Variants in NALCN observed in about 807,000 individuals in gnomAD.
The protein encoded by NALCN is sodium leak channel NALCN.
A neutral mutation model predicts 225.3 loss-of-function variants in NALCN; 111 were observed. That is an observed-to-expected ratio of 0.49 (90% CI 0.42 to 0.58). The LOEUF is 0.58. Ranked by LOEUF, NALCN falls within the 20% of genes least tolerant of loss-of-function variation. NALCN has a pLI of 0.00. For synonymous variants in NALCN, 764 were observed against 769.0 expected (o/e 0.99, Z 0.11); for missense variants, 1,378 against 2,202.4 (o/e 0.63, Z 7.49).
At chr13:101,265,884 T>C (rs1246808463) in intron 10 of NALCN, among the ~76,000 whole-genome samples, 2 of 152,300 alleles carry the variant, frequency 1.3e-5, no homozygotes, top group African/African-American at 2.4e-5. Flanking sequence ...TGACAGCAGC[T>C]TCCTCACCAA....
intron 11 of NALCN, among the ~76,000 whole-genome samples, chr13:101,257,537 C>A (rs1479183187): frequency 6.6e-6 from 1 of 151,950 alleles, no homozygotes; most frequent in Non-Finnish European, 1.5e-5. Context: ...AATTATATGG[C>A]AAATTGATTT....
chr13:101,322,975 A>G (rs1217016969), intron 7 of NALCN, among the ~76,000 whole-genome samples: 1 of 152,132 alleles, frequency 6.6e-6, no homozygotes, highest in Admixed American at 6.5e-5. Context: ...GGCCTCCCAA[A>G]GTGCTGGGAT....
intron 15 of NALCN, among the ~76,000 whole-genome samples, chr13:101,149,734 G>A (rs2037540974): frequency 6.6e-6 from 1 of 152,206 alleles, no homozygotes; most frequent in Admixed American, 6.5e-5. Context: ...GCGGCTGCTT[G>A]AAGGGTGAGT....
chr13:101,154,394 T>C (rs538258422), intron 15 of NALCN, among the ~76,000 whole-genome samples: 2 of 152,346 alleles, frequency 1.3e-5, no homozygotes, highest in South Asian at 2.1e-4. Flanking sequence ...ATTCCTCTTA[T>C]ATGGGATATT....
rs368771604 is a variant in NALCN at position 101,397,066 on chromosome 13, TTATATATATATATA to T, written c.109-1715_109-1702del. 4.3e-3 allele frequency among the ~76,000 whole-genome samples: 240 copies of T among 56,390 alleles called. 1 individual carries two copies. The highest frequency in any genetic ancestry group is 0.031 in the Middle Eastern group (3 of 98). 37.0% of individuals were successfully genotyped at this position (56,390 alleles called of 152,430 possible). On this transcript the variant is annotated intron_variant, in intron 2 of 43. Coordinates refer to ENST00000251127, the MANE Select transcript of NALCN (RefSeq NM_052867.4). ...AAGAAGTAAAACACCTATGAATGTA[TTATATATATATATA>T]TATATATATATATATATATATATAT...
intron 2 of NALCN, among the ~76,000 whole-genome samples, chr13:101,397,740 T>C (rs1178771380): frequency 4.6e-5 from 7 of 152,084 alleles, no homozygotes; most frequent in South Asian, 2.1e-4. Flanking sequence ...AATGTAAATA[T>C]ACACATAATA....
At chr13:101,300,124 A>C (rs920510883) in intron 7 of NALCN, among the ~76,000 whole-genome samples, 1 of 152,166 alleles carries the variant, frequency 6.6e-6, no homozygotes, top group African/African-American at 2.4e-5. Context: ...ACATACATGA[A>C]ATAAGATCAT....
intron 13 of NALCN, among the ~76,000 whole-genome samples, chr13:101,202,013 C>T: frequency 6.6e-6 from 1 of 152,126 alleles, no homozygotes; most frequent in Admixed American, 6.6e-5. Flanking sequence ...TTTTAATTGC[C>T]TTAATGATTC....
At chr13:101,264,089 T>C (rs2042520605) in intron 10 of NALCN, among the ~76,000 whole-genome samples, 2 of 152,170 alleles carry the variant, frequency 1.3e-5, no homozygotes, top group African/African-American at 4.8e-5. Flanking sequence ...TGACTTGAGG[T>C]CTTCACAATT....
At chr13:101,202,238 G>T (rs1162075844) in intron 13 of NALCN, among the ~76,000 whole-genome samples, 2 of 152,136 alleles carry the variant, frequency 1.3e-5, no homozygotes, top group African/African-American at 2.4e-5. Context: ...TAATGTTGGG[G>T]TTACATTTCT....
At chr13:101,280,641 C>G (rs945480350) in intron 10 of NALCN, among the ~76,000 whole-genome samples, 8 of 152,132 alleles carry the variant, frequency 5.3e-5, no homozygotes, top group Non-Finnish European at 1.2e-4. Context: ...GTTTATTTCT[C>G]TATCACGAAC....
chr13:101,399,192 C>A, intron 1 of NALCN, 27 bp from the exon 2 acceptor site: 1 of 1,572,100 alleles, frequency 6.4e-7, no homozygotes, highest in South Asian at 1.1e-5. Context: ...TTGTATTTGT[C>A]ATCTAAACCA....
At chr13:101,077,424 A>T (rs1413755686) in intron 34 of NALCN, among the ~76,000 whole-genome samples, 5 of 152,174 alleles carry the variant, frequency 3.3e-5, no homozygotes, top group Non-Finnish European at 7.3e-5. Context: ...CTTGTTGGAT[A>T]GCTTTGACCA....
intron 13 of NALCN, among the ~76,000 whole-genome samples, chr13:101,201,762 T>A (rs1012482316): frequency 2.0e-5 from 3 of 152,178 alleles, no homozygotes; most frequent in Non-Finnish European, 2.9e-5. Context: ...ACTCGTATCA[T>A]CCACATATAA....
chr13:101,370,209 GA>G (rs199602346), intron 6 of NALCN, among the ~76,000 whole-genome samples: 4 of 150,502 alleles, frequency 2.7e-5, no homozygotes, highest in Middle Eastern at 3.4e-3. Flanking sequence ...GACAAAAATA[GA>G]AAAAAAAATA....
At chr13:101,080,773 T>A (rs931542096) in intron 34 of NALCN, among the ~76,000 whole-genome samples, 30 of 147,532 alleles carry the variant, frequency 2.0e-4, no homozygotes, top group South Asian at 6.3e-4. Flanking sequence ...TTATTATTTA[T>A]TTAATAATTA....
intron 18 of NALCN, among the ~76,000 whole-genome samples, chr13:101,120,534 AAC>A (rs1041413097): frequency 1.3e-5 from 2 of 152,022 alleles, no homozygotes; most frequent in African/African-American, 4.8e-5. Flanking sequence ...AAAAAAAAAA[AAC>A]CACTATAAAA....
chr13:101,076,305 A>G (rs2033249275), intron 34 of NALCN, among the ~76,000 whole-genome samples: 1 of 152,196 alleles, frequency 6.6e-6, no homozygotes, highest in South Asian at 2.1e-4. Context: ...ATCCTGGCAA[A>G]GAGAAAGGGC....
chr13:101,155,080 T>A (rs1195922628), intron 15 of NALCN, among the ~76,000 whole-genome samples: 1 of 151,750 alleles, frequency 6.6e-6, no homozygotes, highest in African/African-American at 2.4e-5. Context: ...TTATTACAGC[T>A]TACCATAGAA....
Sources: allele counts gnomAD v4.1 joint callset (sites outside exome capture counted in the v4.1 genomes callset), GRCh38; gene constraint gnomAD v4.1.1; transcripts MANE v1.5; gene names NCBI Gene and HGNC (gene_info 2026-07-23, HGNC 2026-07-21).